NEK6: variants seen among roughly 807,000 people sequenced by gnomAD.
NEK6 encodes the protein NIMA related kinase 6, also known as serine/threonine-protein kinase Nek6.
NEK6 carries 27 observed loss-of-function variants against 43.5 expected under a neutral mutation model. The observed-to-expected ratio is 0.62, with a 90% confidence interval of 0.46 to 0.86. NEK6 has a LOEUF of 0.86. Among genes scored for constraint, NEK6 ranks in the 40% least tolerant of loss-of-function variants. The probability of loss-of-function intolerance (pLI) is 0.00; values close to 1 mark genes in which losing one functional copy is unlikely to be tolerated. For missense variants in NEK6, 318 were observed against 414.4 expected, an observed-to-expected ratio of 0.77 and a Z score of 2.02; for synonymous variants, 167 against 164.1, an observed-to-expected ratio of 1.02 and a Z score of -0.14.
Position 124,258,093 on chromosome 9 carries a change from G to T in NEK6, c.-30+8G>T, listed in dbSNP as rs979956518. On this transcript the variant is annotated splice_region_variant and intron_variant, in intron 1 of 9. Transcript: ENST00000320246. ...GAGCCCGCCCGCGCGCCGGTGAGTCGCCTGGGGCTGGGGCCGGGCCGGTGG... is the reference window on the plus strand; with the variant it reads ...GAGCCCGCCCGCGCGCCGGTGAGTCTCCTGGGGCTGGGGCCGGGCCGGTGG... 1,648 of 979,112 alleles carry T rather than the reference G, an allele frequency of 1.7e-3. 4 individuals are homozygous for T. The highest frequency in any genetic ancestry group is 3.2e-3 in the Admixed American group (51 of 15,732). The allele number at this position is 979,112 out of a possible 1,614,324, so 60.7% of individuals were successfully genotyped here. A position where few individuals can be genotyped will look rare whatever the true frequency, so the allele number is the denominator to read the frequency against.
At position 124,257,978 on chromosome 9, in the gene NEK6, A is replaced by G. The variant is rs1830872478; in HGVS notation, c.-137A>G. Reference sequence around the variant, plus strand: ...TGGCGGCGGCGGCGGAACCGAGCTGACGGGCGTGCGGCCGCTGCGCCGCAA... The same window carrying G: ...TGGCGGCGGCGGCGGAACCGAGCTGGCGGGCGTGCGGCCGCTGCGCCGCAA... On this transcript the variant is annotated 5_prime_UTR_variant, in exon 1 of 10. Coordinates refer to ENST00000320246, the MANE Select transcript of NEK6 (RefSeq NM_014397.6). 3.1e-6 allele frequency: 3 copies of G among 977,340 alleles called. No homozygotes were observed. The African/African-American group carries it at 5.4e-5, about 18-fold the overall frequency. 60.5% of individuals were successfully genotyped at this position (977,340 alleles called of 1,614,324 possible).
At chr9:124,281,480 G>C (rs951694029) in intron 1 of NEK6, among the ~76,000 whole-genome samples, 5 of 114,858 alleles carry the variant, frequency 4.4e-5, no homozygotes, top group Admixed American at 9.5e-5. Flanking sequence ...CATGTCAGCT[G>C]TTTTTTCTTT....
In NEK6 at chr9:124,347,817, G is replaced by A. The variant is rs144052872; in HGVS notation, c.826G>A (p.Glu276Lys). The change falls in exon 9 of 10, where the codon GAG becomes AAG. Residue 276 changes from glutamate (E) to lysine (K), a missense_variant. By Grantham distance (56) the Glu-to-Lys change is moderately conservative (BLOSUM62 1). Around this residue, in one of 2 missense-constraint regions of NEK6, gnomAD observed 79 missense variants for 70.0 expected, o/e 1.13. Coordinates refer to ENST00000320246, the MANE Select transcript of NEK6 (RefSeq NM_014397.6). ...YPPLPGEHYSEKLRELVSMCI... is the reference protein window; with the variant it reads ...YPPLPGEHYSKKLRELVSMCI... ...CCCACTCCCCGGGGAGCACTACTCC[G>A]AGAAGGTGAGTTTGCAGGAGCCGGA... 294 of 1,606,576 alleles carry A rather than the reference G, an allele frequency of 1.8e-4. No individual in the cohort carries two copies. Among genetic ancestry groups the A allele is most frequent in the Non-Finnish European group, 2.4e-4 (278 of 1,174,398 alleles).
intron 4 of NEK6, among the ~76,000 whole-genome samples, chr9:124,321,115 G>A (rs1834045944): frequency 6.6e-6 from 1 of 152,038 alleles, no homozygotes. Flanking sequence ...GGAGGGGGAG[G>A]GTCCTTTCCA....
At chr9:124,316,081 C>A (rs1440791133) in intron 4 of NEK6, among the ~76,000 whole-genome samples, 1 of 152,238 alleles carries the variant, frequency 6.6e-6, no homozygotes, top group South Asian at 2.1e-4. Flanking sequence ...GGGTCCCACT[C>A]CACAGGTAGC....
At chr9:124,344,196 T>C (rs925661200) in intron 8 of NEK6, among the ~76,000 whole-genome samples, 2 of 152,200 alleles carry the variant, frequency 1.3e-5, no homozygotes, top group South Asian at 2.1e-4. Flanking sequence ...TGTGGGTACG[T>C]TGGGGCCCAC....
At chr9:124,281,486 TC>T (rs1170288390) in intron 1 of NEK6, among the ~76,000 whole-genome samples, 5 of 130,748 alleles carry the variant, frequency 3.8e-5, no homozygotes, top group East Asian at 2.3e-4. Context: ...AGCTGTTTTT[TC>T]TTTTTTTTTT....
rs907189838 is a variant in NEK6, at chr9:124,326,117, T to C, written c.406-213T>C. Among the ~76,000 whole-genome samples the C allele has an allele frequency of 2.0e-5, 3 of 151,956 alleles. No homozygotes were observed. The highest frequency in any genetic ancestry group is 7.3e-5 in the African/African-American group (3 of 41,336). On this transcript the variant is annotated intron_variant, in intron 5 of 9. Coordinates refer to ENST00000320246, the MANE Select transcript of NEK6 (RefSeq NM_014397.6). The surrounding 1 kb of genome is among the most constrained non-coding windows in gnomAD (Gnocchi z 4.5). ...CGGAGCTTGCTGGGTTGGGACAGGG[T>C]GGCTGCAGAGTGCCATTCAGGCAGA...
intron 7 of NEK6, among the ~76,000 whole-genome samples, chr9:124,328,812 C>T (rs1212272184): frequency 6.6e-6 from 1 of 152,152 alleles, no homozygotes; most frequent in Admixed American, 6.5e-5. Flanking sequence ...GCGGGGCTGG[C>T]GGGGAGGGGG....
intron 8 of NEK6, among the ~76,000 whole-genome samples, chr9:124,346,197 C>T (rs1367107751): frequency 6.6e-6 from 1 of 152,238 alleles, no homozygotes; most frequent in African/African-American, 2.4e-5. Flanking sequence ...AGCCCACAGT[C>T]TCCAGGCTGC....
chr9:124,325,394 C>G (rs140793589), intron 5 of NEK6, among the ~76,000 whole-genome samples: 133 of 152,370 alleles, frequency 8.7e-4, no homozygotes, highest in Middle Eastern at 3.4e-3. Flanking sequence ...CTTTCCAGGC[C>G]AGTGTGTCCT....
intron 1 of NEK6, among the ~76,000 whole-genome samples, chr9:124,273,814 G>A (rs565558909): frequency 6.6e-6 from 1 of 152,086 alleles, no homozygotes; most frequent in Admixed American, 6.5e-5. Flanking sequence ...GGGTTTTTTT[G>A]TTGTTGTTGT....
intron 1 of NEK6, among the ~76,000 whole-genome samples, chr9:124,280,874 C>T (rs1245880494): frequency 6.6e-6 from 1 of 152,102 alleles, no homozygotes; most frequent in Non-Finnish European, 1.5e-5. Flanking sequence ...CTCACTGCAG[C>T]CTTGACTTCC....
chr9:124,283,011 C>T (rs1831990596), intron 1 of NEK6, among the ~76,000 whole-genome samples: 1 of 152,222 alleles, frequency 6.6e-6, no homozygotes, highest in Non-Finnish European at 1.5e-5. Context: ...AATCCAGCCT[C>T]CCCTGTTCCC....
At chr9:124,331,579 G>T (rs552669783) in intron 7 of NEK6, among the ~76,000 whole-genome samples, 1 of 152,296 alleles carries the variant, frequency 6.6e-6, no homozygotes, top group African/African-American at 2.4e-5. Context: ...CTCCATCCCT[G>T]AGGAAAAGCC....
chr9:124,307,466 G>A (rs959714282), intron 2 of NEK6, among the ~76,000 whole-genome samples: 2 of 152,176 alleles, frequency 1.3e-5, no homozygotes, highest in Admixed American at 6.5e-5. Context: ...TTGTTCCAGC[G>A]GTTCCTCCAC....
intron 2 of NEK6, among the ~76,000 whole-genome samples, chr9:124,309,753 C>T (rs970655082): frequency 9.8e-5 from 15 of 152,334 alleles, no homozygotes; most frequent in South Asian, 4.1e-4. Context: ...CTCAGAAAGC[C>T]GCCCTGGCTG....
In NEK6 at chr9:124,301,935, G is replaced by A. The variant is rs972933839; in HGVS notation, c.-29-1G>A. ...GAACAGGCCGCTGTTTTCTGTTGCA[G>A]TTCGTGCCCTCGTGAGGCTGGCATG... On this transcript the variant is annotated splice_acceptor_variant, in intron 1 of 9. Coordinates refer to ENST00000320246, the MANE Select transcript of NEK6 (RefSeq NM_014397.6). LOFTEE classifies it low-confidence loss of function (5UTR_SPLICE). The A allele has an allele frequency of 7.6e-6, 12 of 1,571,000 alleles. No homozygotes were observed. The highest frequency in any genetic ancestry group is 1.4e-5 in the African/African-American group (1 of 73,904).
intron 7 of NEK6, among the ~76,000 whole-genome samples, chr9:124,336,557 G>A (rs1829300391): frequency 6.6e-6 from 1 of 152,158 alleles, no homozygotes; most frequent in Admixed American, 6.5e-5. Flanking sequence ...CCAGGGTCCT[G>A]GATCCCCTCT....
Sources: allele counts gnomAD v4.1 joint callset (sites outside exome capture counted in the v4.1 genomes callset), GRCh38; gene constraint gnomAD v4.1.1; regional missense constraint gnomAD v4.1.1; non-coding constraint Gnocchi (gnomAD v3.1); transcripts MANE v1.5; gene names NCBI Gene and HGNC (gene_info 2026-07-23, HGNC 2026-07-21).